The following ZNF831 variants were observed in gnomAD, a reference collection of about 807,000 sequenced individuals.
ZNF831 encodes the protein chromosome 20 open reading frame 174.
Under a neutral mutation model 95.8 loss-of-function variants are expected in ZNF831, and 59 were observed. The ratio of observed to expected loss-of-function variants is 0.62; its 90% CI spans 0.50 to 0.77. The LOEUF (loss-of-function observed/expected upper bound fraction) is 0.77, where lower values mean the gene tolerates loss of function less well. Among genes scored for constraint, ZNF831 ranks in the 30% least tolerant of loss-of-function variants. ZNF831 has a pLI of 0.00. For missense variants in ZNF831, 2,205 were observed against 2,164.0 expected (o/e 1.02, Z -0.38); for synonymous variants, 961 against 925.5 (o/e 1.04, Z -0.70).
rs1056835824 is a variant in ZNF831, at chr20:59,255,688, C to G, written c.*945C>G. Reference sequence around the variant, plus strand: ...ACAGCTTCAACTGATGCCTGCTCGTCGTGACGGGAGCCTTTTAGATTTCCT... The same window carrying G: ...ACAGCTTCAACTGATGCCTGCTCGTGGTGACGGGAGCCTTTTAGATTTCCT... On this transcript the variant is annotated 3_prime_UTR_variant, in exon 6 of 6. Transcript: ENST00000371030. 3.3e-5 allele frequency: 5 copies of G among 152,198 alleles called. No homozygotes were observed. The highest frequency in any genetic ancestry group is 7.3e-5 in the Non-Finnish European group (5 of 68,036). 9.4% of individuals were successfully genotyped at this position (152,198 alleles called of 1,614,324 possible).
intron 1 of ZNF831, among the ~76,000 whole-genome samples, chr20:59,187,602 TA>T (rs571104139): frequency 1.6e-4 from 24 of 150,670 alleles, no homozygotes; most frequent in Non-Finnish European, 2.2e-4. Flanking sequence ...GACAATACTT[TA>T]AAAAAAAAAT....
intron 3 of ZNF831, among the ~76,000 whole-genome samples, chr20:59,202,527 A>G (rs778614125): frequency 1.3e-5 from 2 of 152,144 alleles, no homozygotes; most frequent in African/African-American, 2.4e-5. Context: ...GATTCCTCCA[A>G]TAAATATTTG....
chr20:59,138,625 CGATGTGGGCAGA>C (rs1979584043), intron 1 of ZNF831, among the ~76,000 whole-genome samples: 1 of 152,206 alleles, frequency 6.6e-6, no homozygotes, highest in Non-Finnish European at 1.5e-5. Context: ...GTAACTAAGG[CGATGTGGGCAGA>C]GGGACACGTG....
rs747918771 is a variant in ZNF831 at position 59,191,739 on chromosome 20, C to T, written c.720C>T (p.Gly240=). The T allele has an allele frequency of 7.5e-6, 12 of 1,592,858 alleles. No homozygotes were observed. In the African/African-American group the frequency reaches 1.2e-4, roughly 16 times the overall value. Residue 240 remains glycine, a synonymous_variant, in exon 2 of 6, where the codon GGC becomes GGT. Transcript: ENST00000371030. ...GCAGGTGCCAGGGGATGCACGAAGGCGCCTCGGAGAGACCCCTTTCTCCGG... is the reference window on the plus strand; with the variant it reads ...GCAGGTGCCAGGGGATGCACGAAGGTGCCTCGGAGAGACCCCTTTCTCCGG... ...GESRCQGMHE[G]ASERPLSPGA...
rs1342165265 is a variant in ZNF831, at chr20:59,217,160, C to CTGTGTGTGTGTGTG, written c.4027+10105_4027+10106insGTGTGTGTGTGTGT. Reference sequence around the variant, plus strand: ...TGGAGTACATCTGACAGATCTTCATCTCTGTGTGTGTGTGTGTGTGTGTGT... The same window carrying CTGTGTGTGTGTGTG: ...TGGAGTACATCTGACAGATCTTCATCTGTGTGTGTGTGTGTCTGTGTGTGTGTGTGTGTGTGTGT... On this transcript the variant is annotated intron_variant, in intron 4 of 5. Transcript: ENST00000371030. The surrounding 1 kb of genome is among the most constrained non-coding windows in gnomAD (Gnocchi z 4.4). 2.6e-5 allele frequency among the ~76,000 whole-genome samples: 3 copies of CTGTGTGTGTGTGTG among 114,720 alleles called. No individual in the cohort carries two copies. Among genetic ancestry groups the CTGTGTGTGTGTGTG allele is most frequent in the African/African-American group, 1.3e-4 (3 of 22,268 alleles). 75.3% of individuals were successfully genotyped at this position (114,720 alleles called of 152,430 possible).
chr20:59,158,430 G>A (rs1368889971), intron 2 of ZNF831, among the ~76,000 whole-genome samples: 1 of 152,244 alleles, frequency 6.6e-6, no homozygotes, highest in Non-Finnish European at 1.5e-5. Flanking sequence ...CAGAGGTGAG[G>A]GGAGGACAGG....
chr20:59,161,164 G>A (rs562150094), upstream of ZNF831, among the ~76,000 whole-genome samples: 1 of 152,288 alleles, frequency 6.6e-6, no homozygotes, highest in South Asian at 2.1e-4. Flanking sequence ...GTCGGATTCA[G>A]TGGCTTCTAG....
intron 1 of ZNF831, among the ~76,000 whole-genome samples, chr20:59,190,527 G>A (rs1983414211): frequency 6.6e-6 from 1 of 152,208 alleles, no homozygotes; most frequent in South Asian, 2.1e-4. Context: ...TTGCAGATCT[G>A]GAAACAGTCC....
At chr20:59,138,711 G>T (rs916191531) in intron 1 of ZNF831, among the ~76,000 whole-genome samples, 7 of 152,170 alleles carry the variant, frequency 4.6e-5, no homozygotes, top group African/African-American at 1.4e-4. Flanking sequence ...CCTTTGCCAT[G>T]GCAACTGGAG....
At chr20:59,140,934 C>G (rs1285330698) in intron 1 of ZNF831, among the ~76,000 whole-genome samples, 4 of 152,000 alleles carry the variant, frequency 2.6e-5, no homozygotes, top group African/African-American at 7.3e-5. Context: ...GCATCTCACT[C>G]TGTCATCCAG....
rs971017253 is a variant in ZNF831 at position 59,163,912 on chromosome 20, C to T, written c.-332C>T. 3.9e-5 allele frequency among the ~76,000 whole-genome samples: 6 copies of T among 152,122 alleles called. No individual in the cohort carries two copies. Among genetic ancestry groups the T allele is most frequent in the African/African-American group, 1.4e-4 (6 of 41,410 alleles). ...CGTGGACTTGACATAAAGGCCAAGC[C>T]ACAGGAGGCTGCCCTCTTTTATTTT... On this transcript the variant is annotated 5_prime_UTR_variant, in exon 1 of 6. Coordinates refer to ENST00000371030, the MANE Select transcript of ZNF831 (RefSeq NM_178457.3).
rs949669760 is a variant in ZNF831 at position 59,252,859 on chromosome 20, G to A, written c.4028-119G>A. 9 of 1,045,074 alleles carry A rather than the reference G, an allele frequency of 8.6e-6. No homozygotes were observed. In the African/African-American group the frequency reaches 9.7e-5, roughly 11 times the overall value. 64.7% of individuals were successfully genotyped at this position (1,045,074 alleles called of 1,614,324 possible). A position where few individuals can be genotyped will look rare whatever the true frequency, so the allele number is the denominator to read the frequency against. ...TAAATTGAGTTCTTGCACACACCCTGTGAGATGAGGGTTAATGAGCTCAGA... is the reference window on the plus strand; with the variant it reads ...TAAATTGAGTTCTTGCACACACCCTATGAGATGAGGGTTAATGAGCTCAGA... On this transcript the variant is annotated intron_variant, in intron 4 of 5. Coordinates refer to ENST00000371030, the MANE Select transcript of ZNF831 (RefSeq NM_178457.3).
At chr20:59,144,580 A>G (rs991065987) in intron 1 of ZNF831, among the ~76,000 whole-genome samples, 3 of 152,184 alleles carry the variant, frequency 2.0e-5, no homozygotes, top group South Asian at 2.1e-4. Flanking sequence ...CCATTTTCAT[A>G]TGAGGAGATG....
intron 1 of ZNF831, among the ~76,000 whole-genome samples, chr20:59,172,413 G>A (rs771579606): frequency 6.6e-6 from 1 of 152,184 alleles, no homozygotes; most frequent in South Asian, 2.1e-4. Flanking sequence ...GTCCCCTACA[G>A]CTCTTCCTGG....
intron 4 of ZNF831, among the ~76,000 whole-genome samples, chr20:59,220,435 A>G (rs546136243): frequency 2.6e-5 from 4 of 152,178 alleles, no homozygotes; most frequent in Non-Finnish European, 4.4e-5. Context: ...GATTAATTCT[A>G]ACTAAGGTGT....
intron 4 of ZNF831, among the ~76,000 whole-genome samples, chr20:59,241,945 C>T (rs989828582): frequency 3.9e-5 from 6 of 152,178 alleles, no homozygotes; most frequent in Admixed American, 3.9e-4. Flanking sequence ...GAAAACAGAA[C>T]AATATTCCCC....
chr20:59,242,072 ATGT>A (rs550398639), intron 4 of ZNF831, among the ~76,000 whole-genome samples: 42 of 152,348 alleles, frequency 2.8e-4, no homozygotes, highest in African/African-American at 9.9e-4. Context: ...TGGACTTAGA[ATGT>A]TTTCTTTCCT....
chr20:59,151,030 C>T (rs575582641), intron 2 of ZNF831, among the ~76,000 whole-genome samples: 2 of 152,206 alleles, frequency 1.3e-5, no homozygotes, highest in Admixed American at 6.5e-5. Context: ...AGCCTCCAGC[C>T]GTCCATGGGT....
chr20:59,208,243 C>G lies in ZNF831; in HGVS notation c.4027+1187C>G, dbSNP rs928665356. On this transcript the variant is annotated intron_variant, in intron 4 of 5. Coordinates refer to ENST00000371030, the MANE Select transcript of ZNF831 (RefSeq NM_178457.3). This position sits in a 1 kb window ranked among gnomAD's most constrained non-coding sequence, Gnocchi z 4.2. ...CCTCATCTGTGGCTCTCAACCTCAC[C>G]TCCATCTCCCTCCTCTGTATCCAGC... 8.5e-5 allele frequency among the ~76,000 whole-genome samples: 13 copies of G among 152,346 alleles called. No homozygotes were observed. Among genetic ancestry groups the G allele is most frequent in the Middle Eastern group, 3.4e-3 (1 of 294 alleles).
Sources: allele counts gnomAD v4.1 joint callset (sites outside exome capture counted in the v4.1 genomes callset), GRCh38; gene constraint gnomAD v4.1.1; non-coding constraint Gnocchi (gnomAD v3.1); transcripts MANE v1.5; gene names NCBI Gene and HGNC (gene_info 2026-07-23, HGNC 2026-07-21).